Variants in EYS observed in about 807,000 individuals in gnomAD.
EYS encodes the protein EGF-like photoreceptor maintenance factor, also known as protein eyes shut homolog.
EYS carries 250 observed loss-of-function variants against 282.1 expected under a neutral mutation model. The observed-to-expected ratio is 0.89, with a 90% confidence interval of 0.80 to 0.98. The LOEUF is 0.98. Among genes scored for constraint, EYS ranks in the 50% least tolerant of loss-of-function variants. EYS has a pLI of 0.00. For synonymous variants in EYS, 1,355 were observed against 1,282.9 expected, an observed-to-expected ratio of 1.06 and a Z score of -1.20; for missense variants, 4,016 against 3,709.0, an observed-to-expected ratio of 1.08 and a Z score of -2.15.
intron 19 of EYS, among the ~76,000 whole-genome samples, chr6:64,865,798 T>C (rs998782080): frequency 6.6e-6 from 1 of 152,100 alleles, no homozygotes; most frequent in African/African-American, 2.4e-5. Context: ...CCTAGACTGA[T>C]GTAGCTGCAA....
chr6:65,296,048 CTG>C lies in EYS; in HGVS notation c.1836_1837del (p.His612GlnfsTer16). 1 of 1,550,922 alleles carries C rather than the reference CTG, an allele frequency of 6.4e-7. No individual in the cohort carries two copies. Among genetic ancestry groups the C allele is most frequent in the Non-Finnish European group, 8.7e-7 (1 of 1,146,420 alleles). The stretch of plus-strand genomic sequence containing the variant: ...CAGGCAGAGGCCATGCACTGATATA[CTG>C]TGGTTCCCTAAGCAATAGTCAACAT... On this transcript the variant is annotated frameshift_variant, in exon 12 of 43. Coordinates refer to ENST00000503581, the MANE Select transcript of EYS (RefSeq NM_001142800.2). LOFTEE classifies it high-confidence loss of function.
chr6:64,390,036 A>G (rs982558186), intron 28 of EYS, among the ~76,000 whole-genome samples: 2 of 150,288 alleles, frequency 1.3e-5, no homozygotes, highest in Admixed American at 1.3e-4. Flanking sequence ...AAATCGGGTC[A>G]CTCCCACCCG....
intron 33 of EYS, among the ~76,000 whole-genome samples, chr6:64,002,117 AC>A (rs1768124192): frequency 6.6e-6 from 1 of 152,234 alleles, no homozygotes; most frequent in Admixed American, 6.5e-5. Context: ...CCACGGTGGA[AC>A]AATGTAGCAG....
At chr6:65,295,815 A>C (rs1476388233) in intron 12 of EYS, 48 bp downstream of exon 12, 1 of 1,389,536 alleles carries the variant, frequency 7.2e-7, no homozygotes, top group South Asian at 1.4e-5. Flanking sequence ...ATATATTAAC[A>C]ACATTATTTA....
chr6:64,236,361 G>A (rs951379396), intron 30 of EYS, among the ~76,000 whole-genome samples: 1 of 152,018 alleles, frequency 6.6e-6, no homozygotes, highest in Non-Finnish European at 1.5e-5. Flanking sequence ...TCTACTTTTT[G>A]GCTATTGTAA....
At chr6:64,051,358 CT>C (rs997189241) in intron 33 of EYS, among the ~76,000 whole-genome samples, 24 of 152,030 alleles carry the variant, frequency 1.6e-4, no homozygotes, top group Non-Finnish European at 3.1e-4. Context: ...TGTGTCCTTT[CT>C]TTTTTTCTTA....
At chr6:63,990,784 T>G (rs536466415) in intron 34 of EYS, among the ~76,000 whole-genome samples, 1 of 151,762 alleles carries the variant, frequency 6.6e-6, no homozygotes, top group South Asian at 2.1e-4. Context: ...GGGACCTGGC[T>G]TACTCTCAAT....
intron 32 of EYS, among the ~76,000 whole-genome samples, chr6:64,071,625 C>A (rs898983043): frequency 6.8e-6 from 1 of 147,368 alleles, no homozygotes; most frequent in African/African-American, 2.5e-5. Context: ...TATAAAAACA[C>A]ATGTCATTTA....
chr6:64,686,137 T>C (rs938179087), intron 22 of EYS, among the ~76,000 whole-genome samples: 5 of 151,438 alleles, frequency 3.3e-5, no homozygotes, highest in Admixed American at 1.3e-4. Context: ...AAGCAGTGCT[T>C]AGGGAAAAAA....
At chr6:65,368,465 C>T (rs1765006011) in intron 8 of EYS, among the ~76,000 whole-genome samples, 1 of 151,338 alleles carries the variant, frequency 6.6e-6, no homozygotes, top group Non-Finnish European at 1.5e-5. Context: ...CCAAAAGGGC[C>T]CAGATAATAC....
intron 35 of EYS, among the ~76,000 whole-genome samples, chr6:63,888,537 C>T (rs1773325377): frequency 6.6e-6 from 1 of 152,208 alleles, no homozygotes; most frequent in Non-Finnish European, 1.5e-5. Flanking sequence ...AGCAGACCTG[C>T]TGAAGAGAGG....
At chr6:65,192,293 C>CTGTGTGTGTGTGTGTGTGTGTGTGTG (rs58238401) in intron 12 of EYS, among the ~76,000 whole-genome samples, 5 of 142,812 alleles carry the variant, frequency 3.5e-5, no homozygotes, top group East Asian at 2.1e-4. Context: ...TTTTTCTACT[C>CTGTGTGTGTGTGTGTGTGTGTGTGTG]TGTGTGTGTG....
chr6:64,470,407 T>C (rs948058293), intron 26 of EYS, among the ~76,000 whole-genome samples: 14 of 152,068 alleles, frequency 9.2e-5, no homozygotes, highest in Non-Finnish European at 1.3e-4. Context: ...AAAAACAAAA[T>C]AGATATTATT....
intron 2 of EYS, among the ~76,000 whole-genome samples, chr6:65,588,391 T>C (rs1765125642): frequency 6.6e-6 from 1 of 151,916 alleles, no homozygotes; most frequent in Non-Finnish European, 1.5e-5. Flanking sequence ...TGTGGGCCTG[T>C]CATGTGGCGG....
intron 19 of EYS, among the ~76,000 whole-genome samples, chr6:64,829,493 A>G (rs1222874325): frequency 6.6e-6 from 1 of 151,976 alleles, no homozygotes; most frequent in Admixed American, 6.6e-5. Flanking sequence ...TAACTACTCA[A>G]GGGCTTATGT....
chr6:64,390,125 G>A (rs542309090), intron 28 of EYS, among the ~76,000 whole-genome samples: 85 of 152,164 alleles, frequency 5.6e-4, no homozygotes, highest in African/African-American at 1.6e-3. Context: ...AGGGTCCTAC[G>A]CCCACGGAGT....
At position 64,590,976 on chromosome 6, in the gene EYS, G is replaced by A. The variant is rs200935518; in HGVS notation, c.4891C>T (p.Pro1631Ser). The stretch of plus-strand genomic sequence containing the variant: ...GTTCTTTTTGCACTCTTTTTAGAAG[G>A]AAATAAAGATGGCACTTCTGTGAAT... Reference protein sequence around the residue: ...VAFTEVPSLFPSKKSAKRTIL... With the variant: ...VAFTEVPSLFSSKKSAKRTIL... The change falls in exon 26 of 43, where the codon CCT (proline) becomes TCT (serine). Residue 1631 changes from proline to serine, a missense_variant. Pro to Ser is a moderately conservative substitution (Grantham distance 74). Transcript: ENST00000503581. 1.4e-3 allele frequency: 2,135 copies of A among 1,551,228 alleles called. 5 individuals are homozygous for A. Among genetic ancestry groups the A allele is most frequent in the Non-Finnish European group, 1.7e-3 (1,982 of 1,146,746 alleles).
intron 41 of EYS, among the ~76,000 whole-genome samples, chr6:63,749,662 T>G (rs1418715399): frequency 6.6e-6 from 1 of 152,154 alleles, no homozygotes; most frequent in African/African-American, 2.4e-5. Flanking sequence ...CTCAAGTGTC[T>G]GTGGTGGTCA....
intron 35 of EYS, among the ~76,000 whole-genome samples, chr6:63,936,630 A>G (rs1765066945): frequency 6.6e-6 from 1 of 152,154 alleles, no homozygotes; most frequent in Admixed American, 6.5e-5. Context: ...ACATGCATTC[A>G]CTTATTTGTT....
Sources: gnomAD v4.1 joint callset for allele counts (sites outside exome capture counted in the v4.1 genomes callset) on GRCh38, gnomAD v4.1.1 for gene constraint, MANE v1.5 for transcripts, NCBI Gene and HGNC (gene_info 2026-07-23, HGNC 2026-07-21) for gene names.